Variants in PLA2G2D observed in about 807,000 individuals in gnomAD.
The protein encoded by PLA2G2D is phospholipase A2 group IID, also known as group IID secretory phospholipase A2.
A neutral mutation model predicts 13.9 loss-of-function variants in PLA2G2D; 17 were observed. The observed-to-expected ratio is 1.23, with a 90% CI of 0.84 to 1.84. The LOEUF is 1.84. Among genes scored for constraint, PLA2G2D ranks in the 40% most tolerant of loss-of-function variants. The pLI is 0.00. For synonymous variants in PLA2G2D, 83 were observed against 69.3 expected, an observed-to-expected ratio of 1.20 and a Z score of -0.98; for missense variants, 194 against 178.7, an observed-to-expected ratio of 1.09 and a Z score of -0.49.
At chr1:20,118,184 C>T (rs2017026720) in intron 1 of PLA2G2D, among the ~76,000 whole-genome samples, 1 of 152,150 alleles carries the variant, frequency 6.6e-6, no homozygotes, top group Non-Finnish European at 1.5e-5. Context: ...AGAATCTTGC[C>T]TTTCTTAGGG....
rs966940041 is a variant in PLA2G2D at position 20,112,117 on chromosome 1, C to A, written c.*1997G>T. 6.6e-6 allele frequency: 1 copy of A among 151,978 alleles called. No individual in the cohort carries two copies. The highest frequency in any genetic ancestry group is 6.6e-5 in the Admixed American group (1 of 15,260). 9.4% of individuals were successfully genotyped at this position (151,978 alleles called of 1,614,324 possible). On this transcript the variant is annotated 3_prime_UTR_variant, in exon 4 of 4. Coordinates refer to ENST00000375105, the MANE Select transcript of PLA2G2D (RefSeq NM_012400.4). ...GAATAGCTGGGATTACAGGCACCCACCACGATGCCTGGCTAATTTTTGTAT... is the reference window on the plus strand; with the variant it reads ...GAATAGCTGGGATTACAGGCACCCAACACGATGCCTGGCTAATTTTTGTAT...
At position 20,114,226 on chromosome 1, in the gene PLA2G2D, C is replaced by T. The variant is rs765219229; in HGVS notation, c.326G>A (p.Cys109Tyr). The T allele has an allele frequency of 1.9e-6, 3 of 1,614,090 alleles. No homozygotes were observed. Among genetic ancestry groups the T allele is most frequent in the South Asian group, 1.1e-5 (1 of 91,072 alleles). Reference sequence around the variant, plus strand: ...GAAGGCCACCTCCTTGTCACAGGCACACAGCTGCTGCTCACACCAGCTTCC... The same window carrying T: ...GAAGGCCACCTCCTTGTCACAGGCATACAGCTGCTGCTCACACCAGCTTCC... ...DKGSWCEQQL[C>Y]ACDKEVAFCL... Residue 109 changes from cysteine to tyrosine, a missense_variant, in exon 4 of 4, where the codon TGT (cysteine) becomes TAT (tyrosine). Physicochemically the swap from Cys to Tyr is radical, Grantham distance 194. Transcript: ENST00000375105.
rs2016935216 is a variant in PLA2G2D, at chr1:20,114,095, G to T, written c.*19C>A. ...TGCCAGAGCTCCATGCTGAGGAACA[G>T]GGTAGAGGGTGTGGGCTTCTAGCAC... is the stretch of plus-strand genomic sequence containing the variant. On this transcript the variant is annotated 3_prime_UTR_variant, in exon 4 of 4. Transcript: ENST00000375105. 3 of 1,609,910 alleles carry T rather than the reference G, an allele frequency of 1.9e-6. No individual in the cohort carries two copies.
chr1:20,115,636 C>T (rs1220595674), intron 2 of PLA2G2D, 23 bp from the exon 3 acceptor site: 2 of 1,438,568 alleles, frequency 1.4e-6, no homozygotes, highest in East Asian at 2.3e-5. Context: ...GGGTGCACAG[C>T]TGCATGGGTC....
chr1:20,114,056 T>C lies in PLA2G2D; in HGVS notation c.*58A>G, dbSNP rs1230322976. The C allele has an allele frequency of 2.6e-6, 4 of 1,545,262 alleles. No individual in the cohort carries two copies. The highest frequency in any genetic ancestry group is 1.4e-5 in the African/African-American group (1 of 73,302). ...AAAAGCCAGGCTGGTTCAGGTTAGA[T>C]ACTGAGGTGGGGATGCCAGAGCTCC... On this transcript the variant is annotated 3_prime_UTR_variant, in exon 4 of 4. Transcript: ENST00000375105.
intron 1 of PLA2G2D, among the ~76,000 whole-genome samples, chr1:20,117,977 C>T (rs2017023443): frequency 6.6e-6 from 1 of 152,272 alleles, no homozygotes; most frequent in South Asian, 2.1e-4. Context: ...GTCCATGTTG[C>T]CACGCCTGTT....
In PLA2G2D at chr1:20,112,530, G is replaced by A. The variant is rs1414148916; in HGVS notation, c.*1584C>T. 1 of 152,078 alleles carries A rather than the reference G, an allele frequency of 6.6e-6. No homozygotes were observed. Among genetic ancestry groups the A allele is most frequent in the Non-Finnish European group, 1.5e-5 (1 of 68,020 alleles). 9.4% of individuals were successfully genotyped at this position (152,078 alleles called of 1,614,324 possible). On this transcript the variant is annotated 3_prime_UTR_variant, in exon 4 of 4. Coordinates refer to ENST00000375105, the MANE Select transcript of PLA2G2D (RefSeq NM_012400.4). ...AGGCCCAGAGTGTGGGTGACTGCAG[G>A]TGCCTCAGCCCCCTGGCTGGAAACA...
intron 1 of PLA2G2D, among the ~76,000 whole-genome samples, chr1:20,116,727 G>C (rs1450896868): frequency 6.6e-6 from 1 of 152,142 alleles, no homozygotes; most frequent in Non-Finnish European, 1.5e-5. Flanking sequence ...GCAGTGGCAT[G>C]ATCTCGGGTT....
Position 20,114,190 on chromosome 1 carries a change from C to G in PLA2G2D, c.362G>C (p.Arg121Pro), listed in dbSNP as rs62541901. Reference protein sequence around the residue: ...CDKEVAFCLKRNLDTYQKRLR... With the variant: ...CDKEVAFCLKPNLDTYQKRLR... Reference sequence around the variant, plus strand: ...TCGCTTCTGGTAGGTGTCCAGGTTGCGCTTCAGGCAGAAGGCCACCTCCTT... The same window carrying G: ...TCGCTTCTGGTAGGTGTCCAGGTTGGGCTTCAGGCAGAAGGCCACCTCCTT... Residue 121 changes from arginine (R) to proline (P), a missense_variant, in exon 4 of 4, where the codon CGC (arginine) becomes CCC (proline). Physicochemically the swap from Arg to Pro is moderately radical, Grantham distance 103. Coordinates refer to ENST00000375105, the MANE Select transcript of PLA2G2D (RefSeq NM_012400.4). 6.2e-7 allele frequency: 1 copy of G among 1,613,862 alleles called. No homozygotes were observed. The highest frequency in any genetic ancestry group is 1.3e-5 in the African/African-American group (1 of 74,926).
Position 20,114,212 on chromosome 1 carries a change from C to A in PLA2G2D, c.340G>T (p.Glu114Ter). 1 of 1,614,092 alleles carries A rather than the reference C, an allele frequency of 6.2e-7. No individual in the cohort carries two copies. Among genetic ancestry groups the A allele is most frequent in the Non-Finnish European group, 8.5e-7 (1 of 1,179,980 alleles). Residue 114 changes from glutamate (E) to a stop codon, truncating the protein, a stop_gained, in exon 4 of 4, where the codon GAG (glutamate) becomes TAG (stop). Coordinates refer to ENST00000375105, the MANE Select transcript of PLA2G2D (RefSeq NM_012400.4). LOFTEE classifies it low-confidence loss of function (END_TRUNC). ...TTGCGCTTCAGGCAGAAGGCCACCT[C>A]CTTGTCACAGGCACACAGCTGCTGC... Reference protein sequence around the residue: ...CEQQLCACDKEVAFCLKRNLD... With the variant: ...CEQQLCACDK
In PLA2G2D at chr1:20,115,616, G is replaced by A. The variant is rs1306470797; in HGVS notation, c.186-3C>T. The A allele has an allele frequency of 3.8e-6, 6 of 1,585,598 alleles. No homozygotes were observed. Among genetic ancestry groups the A allele is most frequent in the Admixed American group, 1.7e-5 (1 of 59,980 alleles). On this transcript the variant is annotated splice_polypyrimidine_tract_variant and splice_region_variant and intron_variant, in intron 2 of 3. Transcript: ENST00000375105. ...AGCAGTCATGGGTCTGGCAGCACCT[G>A]GAGCAGACAGGGTGCACAGCTGCAT...
At chr1:20,119,387 TG>T in intron 1 of PLA2G2D, 71 bp downstream of exon 1, 1 of 1,320,450 alleles carries the variant, frequency 7.6e-7, no homozygotes, top group Non-Finnish European at 1.1e-6. Flanking sequence ...CCCCCTAATC[TG>T]GGAAAGAGAG....
At chr1:20,114,342 T>C (rs2016941126) in intron 3 of PLA2G2D, 83 bp from the exon 4 acceptor site, 1 of 1,418,656 alleles carries the variant, frequency 7.0e-7, no homozygotes, top group African/African-American at 1.4e-5. Flanking sequence ...CTGAAGTCAG[T>C]GCAGTTCCTA....
At chr1:20,118,804 G>T (rs1336098750) in intron 1 of PLA2G2D, among the ~76,000 whole-genome samples, 1 of 152,114 alleles carries the variant, frequency 6.6e-6, no homozygotes, top group East Asian at 1.9e-4. Flanking sequence ...ATGAATTTTT[G>T]CAGCTCAATT....
At chr1:20,119,198 G>C (rs564273401) in intron 1 of PLA2G2D, among the ~76,000 whole-genome samples, 1 of 152,200 alleles carries the variant, frequency 6.6e-6, no homozygotes, top group Non-Finnish European at 1.5e-5. Flanking sequence ...GCAGACCCTG[G>C]TGCTGGACTT....
Position 20,114,131 on chromosome 1 carries a change from GC to G in PLA2G2D, c.420del (p.Gln141ArgfsTer67), listed in dbSNP as rs781526881. 16 of 1,613,340 alleles carry G rather than the reference GC, an allele frequency of 9.9e-6. No homozygotes were observed. The highest frequency in any genetic ancestry group is 2.2e-5 in the East Asian group (1 of 44,872). On this transcript the variant is annotated frameshift_variant, in exon 4 of 4. Transcript: ENST00000375105. LOFTEE classifies it high-confidence loss of function. ...GTGGGCTTCTAGCACCCAGGGGTCT[GC>G]CCCCGGCAGTGGGGCCGCCAGTAGA... ...LRFYWRPHCR[G>X]QTPGC is the part of the protein sequence containing the mutation.
chr1:20,115,706 T>A, intron 2 of PLA2G2D, 93 bp from the exon 3 acceptor site: 1 of 817,308 alleles, frequency 1.2e-6, no homozygotes, highest in Non-Finnish European at 2.1e-6. Flanking sequence ...TGTCCCCACC[T>A]GGGAAGAGTC....
chr1:20,116,353 T>G lies in PLA2G2D; in HGVS notation c.165A>C (p.Gln55His). 2 of 1,614,194 alleles carry G rather than the reference T, an allele frequency of 1.2e-6. No individual in the cohort carries two copies. Among genetic ancestry groups the G allele is most frequent in the Non-Finnish European group, 1.7e-6 (2 of 1,180,010 alleles). ...GCHCGLGGRG[Q>H]PKDATDWCCQ... ...GTTACCAGTCCGTGGCATCTTTGGG[T>G]TGGCCTCTGCCACCTAGTCCGCAGT... The change falls in exon 2 of 4, where the codon CAA becomes CAC. Residue 55 changes from glutamine (Q) to histidine (H), a missense_variant. Gln to His is a conservative substitution (Grantham distance 24, BLOSUM62 0). Transcript: ENST00000375105.
At chr1:20,119,431 C>G (rs1479423199) in intron 1 of PLA2G2D, 28 bp downstream of exon 1, 2 of 1,605,388 alleles carry the variant, frequency 1.2e-6, no homozygotes, top group Non-Finnish European at 1.7e-6. Flanking sequence ...TCCTTCCCTT[C>G]CCAGCCTGGG....
Sources: allele counts gnomAD v4.1 joint callset (sites outside exome capture counted in the v4.1 genomes callset), GRCh38; gene constraint gnomAD v4.1.1; transcripts MANE v1.5; gene names NCBI Gene and HGNC (gene_info 2026-07-23, HGNC 2026-07-21).